SYNE1: variants seen among roughly 807,000 people sequenced by gnomAD.
The protein encoded by SYNE1 is spectrin repeat containing nuclear envelope protein 1, also known as nesprin-1.
Under a neutral mutation model 1,111.0 loss-of-function variants are expected in SYNE1, and 616 were observed. That is an observed-to-expected ratio of 0.55 (90% confidence interval 0.52 to 0.59). The LOEUF (loss-of-function observed/expected upper bound fraction) is 0.59. SYNE1 is among the 20% of genes least tolerant of loss of function. The pLI is 0.00. For synonymous variants in SYNE1, 3,855 were observed against 3,825.8 expected, an observed-to-expected ratio of 1.01 and a Z score of -0.28; for missense variants, 10,006 against 10,417.0, an observed-to-expected ratio of 0.96 and a Z score of 1.72.
intron 3 of SYNE1, among the ~76,000 whole-genome samples, chr6:152,581,917 C>A (rs966779636): frequency 4.6e-5 from 7 of 152,150 alleles, no homozygotes; most frequent in African/African-American, 1.7e-4. Flanking sequence ...TTTTTCAGAG[C>A]TTGACTCTGA....
intron 66 of SYNE1, among the ~76,000 whole-genome samples, chr6:152,356,725 T>TG (rs1385564267): frequency 6.6e-6 from 1 of 152,138 alleles, no homozygotes; most frequent in Admixed American, 6.5e-5. Context: ...TCTCCACCAC[T>TG]GCTTCCTGCC....
chr6:152,391,598 A>AG, intron 51 of SYNE1, 30 bp from the exon 52 acceptor site: 1 of 1,550,576 alleles, frequency 6.4e-7, no homozygotes, highest in Non-Finnish European at 8.7e-7. Context: ...AAAAAAAGAA[A>AG]AAAAATTAAT....
Position 152,483,263 on chromosome 6 carries a change from A to AG in SYNE1, c.1186-15dup, listed in dbSNP as rs1212419322. On this transcript the variant is annotated splice_polypyrimidine_tract_variant and intron_variant, in intron 13 of 145. Transcript: ENST00000367255. ...CCAGTCAAAGAGCTAAAATTTAAAA[A>AG]GCAGAAAAGTAAAATATCTTTAATA... The AG allele has an allele frequency of 3.7e-6, 6 of 1,612,966 alleles. No individual in the cohort carries two copies. The African/African-American group carries it at 8.0e-5, about 22-fold the overall frequency.
intron 74 of SYNE1, 111 bp from the exon 75 acceptor site, chr6:152,339,477 C>T: frequency 1.4e-6 from 2 of 1,456,762 alleles, no homozygotes; most frequent in Non-Finnish European, 1.9e-6. Flanking sequence ...TTGCTATGCT[C>T]AGTGTTTTCA....
intron 29 of SYNE1, among the ~76,000 whole-genome samples, chr6:152,446,108 ATTTTTTT>A (rs11351100): frequency 2.3e-5 from 3 of 129,498 alleles, no homozygotes; most frequent in East Asian, 2.4e-4. Flanking sequence ...AAGACAGTCA[ATTTTTTT>A]TTTTTTTTTT....
At chr6:152,494,528 TC>T (rs1281696427) in intron 11 of SYNE1, among the ~76,000 whole-genome samples, 1 of 152,122 alleles carries the variant, frequency 6.6e-6, no homozygotes, top group Non-Finnish European at 1.5e-5. Flanking sequence ...ATCTTCCACA[TC>T]TATCATTCAG....
intron 14 of SYNE1, among the ~76,000 whole-genome samples, chr6:152,476,137 A>G (rs1564316439): frequency 6.6e-6 from 1 of 152,068 alleles, no homozygotes; most frequent in Non-Finnish European, 1.5e-5. Flanking sequence ...ACATCCCTCT[A>G]GATGCCAATG....
chr6:152,361,557 G>A (rs1444685292), intron 64 of SYNE1, among the ~76,000 whole-genome samples: 4 of 152,180 alleles, frequency 2.6e-5, no homozygotes, highest in African/African-American at 9.7e-5. Context: ...TGATACAAAT[G>A]AGCAGGAATA....
At chr6:152,616,712 T>A (rs1204051770) in intron 3 of SYNE1, among the ~76,000 whole-genome samples, 1 of 152,144 alleles carries the variant, frequency 6.6e-6, no homozygotes, top group Non-Finnish European at 1.5e-5. Context: ...CTTTGATGTT[T>A]TACTTCCATT....
At chr6:152,584,465 A>G (rs964781466) in intron 3 of SYNE1, among the ~76,000 whole-genome samples, 1 of 152,094 alleles carries the variant, frequency 6.6e-6, no homozygotes. Flanking sequence ...GTTTTTTGAG[A>G]CAGGGCCTTG....
chr6:152,612,942 C>T lies in SYNE1; in HGVS notation c.67+15323G>A, dbSNP rs553073658. Among the ~76,000 whole-genome samples, 8 of 152,204 alleles carry T rather than the reference C, an allele frequency of 5.3e-5. No individual in the cohort carries two copies. The South Asian group carries it at 1.7e-3, about 32-fold the overall frequency. ...TGCAGAAAAGGCCTTTGACAAAATTCAACAGTGCTTCATGCTAAAAAATCT... is the reference window on the plus strand; with the variant it reads ...TGCAGAAAAGGCCTTTGACAAAATTTAACAGTGCTTCATGCTAAAAAATCT... On this transcript the variant is annotated intron_variant, in intron 3 of 145. Transcript: ENST00000367255.
chr6:152,303,418 A>G (rs1156261820), intron 91 of SYNE1, among the ~76,000 whole-genome samples: 3 of 151,450 alleles, frequency 2.0e-5, no homozygotes, highest in Non-Finnish European at 4.4e-5. Flanking sequence ...AAAAAAAAAG[A>G]ACACATTTTG....
intron 3 of SYNE1, among the ~76,000 whole-genome samples, chr6:152,592,086 C>T (rs2099568550): frequency 6.6e-6 from 1 of 152,036 alleles, no homozygotes; most frequent in African/African-American, 2.4e-5. Context: ...GTAAATTAGT[C>T]CAGCCACTTT....
At chr6:152,341,205 A>G (rs948988417) in intron 74 of SYNE1, among the ~76,000 whole-genome samples, 2 of 152,224 alleles carry the variant, frequency 1.3e-5, no homozygotes, top group African/African-American at 2.4e-5. Flanking sequence ...GTCATCAGCC[A>G]CTGTGCACAA....
In SYNE1 at chr6:152,301,887, G is replaced by T. The variant is rs763382876; in HGVS notation, c.17523C>A (p.Ala5841=). 4.3e-6 allele frequency: 7 copies of T among 1,613,524 alleles called. No individual in the cohort carries two copies. In the African/African-American group the frequency reaches 6.7e-5, roughly 15 times the overall value. The change falls in exon 92 of 146, where the codon GCC becomes GCA. Residue 5841 remains alanine, a synonymous_variant. Transcript: ENST00000367255. ...TCCTTACCATGACCACAGAGGGGTGGGCCGAAGGCGTGGGGAGGAGCTCCC... is the reference window on the plus strand; with the variant it reads ...TCCTTACCATGACCACAGAGGGGTGTGCCGAAGGCGTGGGGAGGAGCTCCC... ...LDGELLPTPS[A]HPSVVMMTAG...
At chr6:152,170,460 C>T (rs1450732637) in intron 130 of SYNE1, among the ~76,000 whole-genome samples, 1 of 152,146 alleles carries the variant, frequency 6.6e-6, no homozygotes, top group Admixed American at 6.5e-5. Flanking sequence ...TCAGTAAGAC[C>T]TGGGCCACAC....
intron 58 of SYNE1, among the ~76,000 whole-genome samples, chr6:152,375,469 G>A (rs1298230907): frequency 1.3e-5 from 2 of 152,154 alleles, no homozygotes; most frequent in African/African-American, 4.8e-5. Context: ...CTGCTGCTAT[G>A]TGAAATGAGC....
intron 95 of SYNE1, among the ~76,000 whole-genome samples, chr6:152,289,924 CCT>C (rs1491096966): frequency 5.2e-5 from 6 of 115,320 alleles, no homozygotes; most frequent in East Asian, 3.1e-4. Context: ...CCGCGCCCAG[CCT>C]TTTTTTTTTT....
At chr6:152,595,716 T>A (rs909127558) in intron 3 of SYNE1, among the ~76,000 whole-genome samples, 7 of 152,114 alleles carry the variant, frequency 4.6e-5, no homozygotes, top group African/African-American at 1.7e-4. Flanking sequence ...TGGCTCTACA[T>A]CTGCCCCTAG....
Sources: allele counts gnomAD v4.1 joint callset (sites outside exome capture counted in the v4.1 genomes callset), GRCh38; gene constraint gnomAD v4.1.1; transcripts MANE v1.5; gene names NCBI Gene and HGNC (gene_info 2026-07-23, HGNC 2026-07-21).